EDC4: variants seen among roughly 807,000 people sequenced by gnomAD.
EDC4 encodes enhancer of mRNA-decapping protein 4.
Under a neutral mutation model 155.8 loss-of-function variants are expected in EDC4, and 64 were observed. That is an observed-to-expected ratio of 0.41 (90% CI 0.34 to 0.51). The LOEUF (loss-of-function observed/expected upper bound fraction) is 0.51. Among genes scored for constraint, EDC4 ranks in the 20% least tolerant of loss-of-function variants. EDC4 has a pLI of 0.19. For synonymous variants in EDC4, 684 were observed against 716.8 expected, an observed-to-expected ratio of 0.95 and a Z score of 0.73; for missense variants, 1,303 against 1,812.5, an observed-to-expected ratio of 0.72 and a Z score of 5.10.
rs1405317465 is a variant in EDC4 at position 67,877,536 on chromosome 16, G to A, written c.669G>A (p.Gln223=). ...IQEEILVHIR[Q]PEGTPLNHFR... is the part of the protein sequence containing the mutation. ...AAGAGATCTTGGTCCATATTCGGCA[G>A]CCAGAGGGCACGCCACTGAACCACT... Residue 223 remains glutamine, a synonymous_variant, in exon 6 of 29, where the codon CAG becomes CAA. Transcript: ENST00000358933. The surrounding 1 kb of genome is among the most constrained non-coding windows in gnomAD (Gnocchi z 4.9). 4 of 1,614,206 alleles carry A rather than the reference G, an allele frequency of 2.5e-6. No individual in the cohort carries two copies. The South Asian group carries it at 4.4e-5, about 18-fold the overall frequency.
chr16:67,879,852 C>A lies in EDC4; in HGVS notation c.1824C>A (p.Ile608=). The A allele has an allele frequency of 6.2e-7, 1 of 1,613,626 alleles. No individual in the cohort carries two copies. The highest frequency in any genetic ancestry group is 1.7e-4 in the Middle Eastern group (1 of 6,060). The change falls in exon 16 of 29, where the codon ATC becomes ATA. Residue 608 remains isoleucine (I), a splice_region_variant and synonymous_variant. Transcript: ENST00000358933. The surrounding 1 kb of genome is among the most constrained non-coding windows in gnomAD (Gnocchi z 6.0). ...TCTTATTTCCTGCATCTCCCCAGAT[C>A]ACTGCCTCTCCCAGCAGCAGCAGCA... ...FMTPSASLQQ[I]TASPSSSSSG... is the part of the protein sequence containing the mutation.
Position 67,877,572 on chromosome 16 carries a change from C to T in EDC4, c.705C>T (p.Ile235=). 6.2e-7 allele frequency: 1 copy of T among 1,614,218 alleles called. No individual in the cohort carries two copies. Among genetic ancestry groups the T allele is most frequent in the South Asian group, 1.1e-5 (1 of 91,090 alleles). ...CGCCACTGAACCACTTTCGCAGGAT[C>T]ATCTGGTGCCCCTTCATCCCTGAGG... ...EGTPLNHFRR[I]IWCPFIPEES... Residue 235 remains isoleucine (I), a synonymous_variant, in exon 6 of 29, where the codon ATC becomes ATT. Transcript: ENST00000358933. The surrounding 1 kb of genome is among the most constrained non-coding windows in gnomAD (Gnocchi z 4.9).
At position 67,873,070 on chromosome 16, in the gene EDC4, C is replaced by T; in HGVS notation, c.-192C>T. ...TTCCGGGAGCCTCGGCTCGTGGGTG[C>T]CGGAAGTGGAGGCGGTTGGTGGGGT... On this transcript the variant is annotated 5_prime_UTR_variant, in exon 1 of 29. Coordinates refer to ENST00000358933, the MANE Select transcript of EDC4 (RefSeq NM_014329.5). The T allele has an allele frequency of 2.3e-6, 1 of 435,264 alleles. No individual in the cohort carries two copies. 27.0% of individuals were successfully genotyped at this position (435,264 alleles called of 1,614,324 possible). A position where few individuals can be genotyped will look rare whatever the true frequency, so the allele number is the denominator to read the frequency against.
rs2058052815 is a variant in EDC4 at position 67,878,899 on chromosome 16, G to A, written c.1288-58G>A. On this transcript the variant is annotated intron_variant, in intron 11 of 28. Coordinates refer to ENST00000358933, the MANE Select transcript of EDC4 (RefSeq NM_014329.5). The surrounding 1 kb of genome is among the most constrained non-coding windows in gnomAD (Gnocchi z 5.2). ...GATTATAGAGGAAGGCCGGGGGGCA[G>A]GTGGCGCATCACAGCCCTTAGCCTC... is the stretch of plus-strand genomic sequence containing the variant. 2 of 1,611,106 alleles carry A rather than the reference G, an allele frequency of 1.2e-6. No homozygotes were observed. Among genetic ancestry groups the A allele is most frequent in the Non-Finnish European group, 1.7e-6 (2 of 1,179,900 alleles).
Position 67,881,108 on chromosome 16 carries a change from G to A in EDC4, c.2564G>A (p.Ser855Asn), listed in dbSNP as rs1371145203. The change falls in exon 19 of 29, where the codon AGC (serine) becomes AAC (asparagine). Residue 855 changes from serine (S) to asparagine (N), a missense_variant. This residue lies in a region of EDC4 where 527 missense variants were observed against 757.0 expected (regional missense o/e 0.70). Transcript: ENST00000358933. This position sits in a 1 kb window ranked among gnomAD's most constrained non-coding sequence, Gnocchi z 5.4. The part of the protein sequence containing the change: ...PRNGLQEKHK[S>N]LAFHRPPYHL... Reference sequence around the variant, plus strand: ...AATGGCCTTCAGGAAAAGCACAAGAGCCTGGCCTTCCACCGACCACCATAT... The same window carrying A: ...AATGGCCTTCAGGAAAAGCACAAGAACCTGGCCTTCCACCGACCACCATAT... The A allele has an allele frequency of 6.2e-7, 1 of 1,614,118 alleles. No homozygotes were observed. Among genetic ancestry groups the A allele is most frequent in the African/African-American group, 1.3e-5 (1 of 75,054 alleles).
Position 67,873,172 on chromosome 16 carries a change from G to T in EDC4, c.-90G>T, listed in dbSNP as rs2058026431. On this transcript the variant is annotated 5_prime_UTR_variant, in exon 1 of 29. Transcript: ENST00000358933. ...ACTGTGTAGTGACCGGCGTCCCGCT[G>T]TCTCGCCCCGTGGCGGGTGAGCGAG... 4.8e-6 allele frequency: 5 copies of T among 1,034,064 alleles called. No homozygotes were observed. Among genetic ancestry groups the T allele is most frequent in the Non-Finnish European group, 6.5e-6 (5 of 771,232 alleles). The allele number at this position is 1,034,064 out of a possible 1,614,324, so 64.1% of individuals were successfully genotyped here. A position where few individuals can be genotyped will look rare whatever the true frequency, so the allele number is the denominator to read the frequency against.
In EDC4 at chr16:67,882,692, A is replaced by G. The variant is rs2058074250; in HGVS notation, c.3456A>G (p.Leu1152=). ...RLGTQEYLQQ[L]ESHMKSRKAR... Reference sequence around the variant, plus strand: ...GTCACCCCTCAGACTTGCAGCAGCTAGAAAGCCACATGAAGAGCCGGAAGG... The same window carrying G: ...GTCACCCCTCAGACTTGCAGCAGCTGGAAAGCCACATGAAGAGCCGGAAGG... The change falls in exon 26 of 29, where the codon CTA becomes CTG. Residue 1152 remains leucine, a synonymous_variant. Coordinates refer to ENST00000358933, the MANE Select transcript of EDC4 (RefSeq NM_014329.5). The surrounding 1 kb of genome is among the most constrained non-coding windows in gnomAD (Gnocchi z 7.2). 1 of 1,614,248 alleles carries G rather than the reference A, an allele frequency of 6.2e-7. No homozygotes were observed. The highest frequency in any genetic ancestry group is 1.7e-5 in the Admixed American group (1 of 60,036).
In EDC4 at chr16:67,878,579, C is replaced by T. The variant is rs984288478; in HGVS notation, c.1132C>T (p.Arg378Ter). 1.9e-6 allele frequency: 3 copies of T among 1,614,040 alleles called. No homozygotes were observed. The highest frequency in any genetic ancestry group is 1.7e-6 in the Non-Finnish European group (2 of 1,180,024). ...RFLITGADQN[R>*]ELKMWCTVSW... Reference sequence around the variant, plus strand: ...CCTTATTACTGGTGCTGACCAGAACCGAGAGTTAAAGATGTGGTGTACAGT... The same window carrying T: ...CCTTATTACTGGTGCTGACCAGAACTGAGAGTTAAAGATGTGGTGTACAGT... Residue 378 changes from arginine to a stop codon, truncating the protein, a stop_gained, in exon 10 of 29, where the codon CGA becomes TGA. Coordinates refer to ENST00000358933, the MANE Select transcript of EDC4 (RefSeq NM_014329.5). LOFTEE classifies it high-confidence loss of function. The surrounding 1 kb of genome is among the most constrained non-coding windows in gnomAD (Gnocchi z 5.2).
At chr16:67,874,537 G>A (rs1340722823) in intron 1 of EDC4, among the ~76,000 whole-genome samples, 1 of 152,192 alleles carries the variant, frequency 6.6e-6, no homozygotes, top group South Asian at 2.1e-4. Context: ...ACTAGACTCC[G>A]CAGAGATTTG....
At position 67,876,908 on chromosome 16, in the gene EDC4, A is replaced by G; in HGVS notation, c.387A>G (p.Glu129=). Residue 129 remains glutamate, a synonymous_variant, in exon 4 of 29, where the codon GAA becomes GAG. Transcript: ENST00000358933. This position sits in a 1 kb window ranked among gnomAD's most constrained non-coding sequence, Gnocchi z 5.8. The part of the protein sequence containing the change: ...KIQPVAKYDW[E]QKYYYGNLIA... ...AGCCTGTCGCCAAGTATGACTGGGAACAGAAGTACTACTATGGCAACCTGA... is the reference window on the plus strand; with the variant it reads ...AGCCTGTCGCCAAGTATGACTGGGAGCAGAAGTACTACTATGGCAACCTGA... The G allele has an allele frequency of 6.2e-7, 1 of 1,614,230 alleles. No homozygotes were observed. Among genetic ancestry groups the G allele is most frequent in the Non-Finnish European group, 8.5e-7 (1 of 1,180,026 alleles).
In EDC4 at chr16:67,881,361, C is replaced by T. The variant is rs138068113; in HGVS notation, c.2733C>T (p.Thr911=). Residue 911 remains threonine (T), a synonymous_variant, in exon 20 of 29, where the codon ACC becomes ACT. Transcript: ENST00000358933. The surrounding 1 kb of genome is among the most constrained non-coding windows in gnomAD (Gnocchi z 5.4). ...APRLPAKDWK[T]KGSPRTSPKL... ...GGCTGCCTGCCAAGGACTGGAAGAC[C>T]AAGGGATCCCCTCGAACCTCACCCA... The T allele has an allele frequency of 9.9e-6, 16 of 1,613,998 alleles. No homozygotes were observed. In the South Asian group the frequency reaches 1.5e-4, roughly 16 times the overall value.
At chr16:67,875,748 C>T (rs764071416) in intron 1 of EDC4, 197 bp from the exon 2 acceptor site, 31 of 1,389,600 alleles carry the variant, frequency 2.2e-5, no homozygotes, top group Non-Finnish European at 2.9e-5. Context: ...GTAGAAGAGC[C>T]TCATGCTCAT....
At position 67,877,348 on chromosome 16, in the gene EDC4, C is replaced by T; in HGVS notation, c.583C>T (p.Leu195=). 4 of 1,614,110 alleles carry T rather than the reference C, an allele frequency of 2.5e-6. No homozygotes were observed. The highest frequency in any genetic ancestry group is 3.4e-6 in the Non-Finnish European group (4 of 1,180,038). ...CCTCAACTCTCCACAGCTGGCCTGC[C>T]TGGATGAGGCAGGCAACCTGTTCGT... ...AHLNSPQLAC[L]DEAGNLFVWR... The change falls in exon 5 of 29, where the codon CTG becomes TTG. Residue 195 remains leucine (L), a synonymous_variant. Transcript: ENST00000358933. This position sits in a 1 kb window ranked among gnomAD's most constrained non-coding sequence, Gnocchi z 4.9.
chr16:67,878,463 A>C lies in EDC4; in HGVS notation c.1088+20A>C, dbSNP rs1018336699. 2 of 1,614,114 alleles carry C rather than the reference A, an allele frequency of 1.2e-6. No homozygotes were observed. Among genetic ancestry groups the C allele is most frequent in the Non-Finnish European group, 1.7e-6 (2 of 1,179,996 alleles). On this transcript the variant is annotated intron_variant, in intron 9 of 28. Transcript: ENST00000358933. This position sits in a 1 kb window ranked among gnomAD's most constrained non-coding sequence, Gnocchi z 5.2. ...CCCTGAGTGAGTGAGTGGGCAGCCT[A>C]GTGGGTGGTGGGCTGGACCATGGCT...
In EDC4 at chr16:67,879,719, A is replaced by C. The variant is rs1359795481; in HGVS notation, c.1766A>C (p.Lys589Thr). 1.9e-6 allele frequency: 3 copies of C among 1,614,024 alleles called. No individual in the cohort carries two copies. The highest frequency in any genetic ancestry group is 2.5e-6 in the Non-Finnish European group (3 of 1,180,028). Residue 589 changes from lysine to threonine, a missense_variant, in exon 15 of 29, where the codon AAG (lysine) becomes ACG (threonine). By Grantham distance (78) the Lys-to-Thr change is moderately conservative. Transcript: ENST00000358933. The surrounding 1 kb of genome is among the most constrained non-coding windows in gnomAD (Gnocchi z 6.0). The part of the protein sequence containing the change: ...ADFLSLSSET[K>T]PKLMTPDAFM... ...TTCCTCAGTCTGAGCAGTGAGACCAAGCCCAAGTTGATGACACCTGACGCC... is the reference window on the plus strand; with the variant it reads ...TTCCTCAGTCTGAGCAGTGAGACCACGCCCAAGTTGATGACACCTGACGCC...
Position 67,881,722 on chromosome 16 carries a change from C to G in EDC4, c.2881C>G (p.Leu961Val). 1 of 1,614,072 alleles carries G rather than the reference C, an allele frequency of 6.2e-7. No individual in the cohort carries two copies. The highest frequency in any genetic ancestry group is 8.5e-7 in the Non-Finnish European group (1 of 1,179,992). Residue 961 changes from leucine (L) to valine (V), a missense_variant, in exon 22 of 29, where the codon CTG becomes GTG. By Grantham distance (32) the Leu-to-Val change is conservative. This residue lies in a region of EDC4 where 527 missense variants were observed against 757.0 expected (regional missense o/e 0.70). Transcript: ENST00000358933. The surrounding 1 kb of genome is among the most constrained non-coding windows in gnomAD (Gnocchi z 5.4). ...PALIWQQQRE[L>V]AELRHSQEEL... is the part of the protein sequence containing the mutation. ...ACTAATTTGGCAACAGCAGAGAGAG[C>G]TGGCAGAGCTGCGGCACAGCCAGGA... is the stretch of plus-strand genomic sequence containing the variant.
rs748399813 is a variant in EDC4, at chr16:67,880,122, G to A, written c.2003G>A (p.Ser668Asn). The A allele has an allele frequency of 7.4e-6, 12 of 1,612,814 alleles. No individual in the cohort carries two copies. The highest frequency in any genetic ancestry group is 1.0e-5 in the Non-Finnish European group (12 of 1,179,602). Residue 668 changes from serine to asparagine, a missense_variant, in exon 17 of 29, where the codon AGC becomes AAC. Transcript: ENST00000358933. This position sits in a 1 kb window ranked among gnomAD's most constrained non-coding sequence, Gnocchi z 5.2. ...KLQLDGSLTMSSSGSLQASPR... is the reference protein window; with the variant it reads ...KLQLDGSLTMNSSGSLQASPR... ...CAGCTGGATGGCAGCCTGACAATGAGCAGCAGTGGCAGCCTTCAGGCAAGC... is the reference window on the plus strand; with the variant it reads ...CAGCTGGATGGCAGCCTGACAATGAACAGCAGTGGCAGCCTTCAGGCAAGC...
chr16:67,878,031 C>G lies in EDC4; in HGVS notation c.895-135C>G. The G allele has an allele frequency of 6.7e-7, 1 of 1,502,594 alleles. No individual in the cohort carries two copies. Among genetic ancestry groups the G allele is most frequent in the Non-Finnish European group, 8.9e-7 (1 of 1,118,694 alleles). The allele number at this position is 1,502,594 out of a possible 1,614,324, so 93.1% of individuals were successfully genotyped here. ...CAGCACCCTGCAGGTCTGGCCTTCT[C>G]TAGGAACCCTGTTCATTTAGTCAGT... On this transcript the variant is annotated intron_variant, in intron 7 of 28. Coordinates refer to ENST00000358933, the MANE Select transcript of EDC4 (RefSeq NM_014329.5). The surrounding 1 kb of genome is among the most constrained non-coding windows in gnomAD (Gnocchi z 5.2).
In EDC4 at chr16:67,877,686, C is replaced by A. The variant is rs558570373; in HGVS notation, c.789+30C>A. On this transcript the variant is annotated intron_variant, in intron 6 of 28. Transcript: ENST00000358933. This position sits in a 1 kb window ranked among gnomAD's most constrained non-coding sequence, Gnocchi z 4.9. ...GGGGGCTGACATGGCGAAGAGGCGC[C>A]AGAGAAGCCATAGTGTGGGGTTGGG... 1 of 1,614,066 alleles carries A rather than the reference C, an allele frequency of 6.2e-7. No individual in the cohort carries two copies. Among genetic ancestry groups the A allele is most frequent in the Admixed American group, 1.7e-5 (1 of 60,028 alleles).
Sources: allele counts gnomAD v4.1 joint callset (sites outside exome capture counted in the v4.1 genomes callset), GRCh38; gene constraint gnomAD v4.1.1; regional missense constraint gnomAD v4.1.1; non-coding constraint Gnocchi (gnomAD v3.1); transcripts MANE v1.5; gene names NCBI Gene and HGNC (gene_info 2026-07-23, HGNC 2026-07-21).